Variants in LARGE1 observed in about 807,000 individuals in gnomAD.
LARGE1 encodes LARGE xylosyl- and glucuronyltransferase 1.
Under a neutral mutation model 87.6 loss-of-function variants are expected in LARGE1, and 43 were observed. The ratio of observed to expected loss-of-function variants is 0.49; its 90% confidence interval spans 0.38 to 0.63. LARGE1 has a LOEUF of 0.63. Among genes scored for constraint, LARGE1 ranks in the 30% least tolerant of loss-of-function variants. LARGE1 has a pLI of 0.00. For missense variants in LARGE1, 802 were observed against 1,000.2 expected (o/e 0.80, Z 2.67); for synonymous variants, 434 against 394.6 (o/e 1.10, Z -1.18).
chr22:33,798,481 G>A (rs377251522), intron 1 of LARGE1, among the ~76,000 whole-genome samples: 3 of 152,164 alleles, frequency 2.0e-5, no homozygotes, highest in South Asian at 2.1e-4. Context: ...CTGGGATCCC[G>A]ACGGCTTGAA....
At chr22:33,721,938 A>G (rs913555854) in intron 2 of LARGE1, among the ~76,000 whole-genome samples, 3 of 152,146 alleles carry the variant, frequency 2.0e-5, no homozygotes, top group East Asian at 1.9e-4. Flanking sequence ...CACAGCCACA[A>G]TGGAGATCCT....
chr22:33,127,459 G>A, the LARGE1 span, among the ~76,000 whole-genome samples: 3 of 152,216 alleles, frequency 2.0e-5, no homozygotes, highest in Non-Finnish European at 4.4e-5. Context: ...CCATCCAGGC[G>A]GCATGTCTTG....
At chr22:33,289,895 G>A (rs1389399180) in intron 12 of LARGE1, among the ~76,000 whole-genome samples, 21 of 152,028 alleles carry the variant, frequency 1.4e-4, no homozygotes. Flanking sequence ...TGGGTAGTTC[G>A]TATCCTCTTT....
At chr22:33,694,372 T>G (rs1477239823) in intron 2 of LARGE1, among the ~76,000 whole-genome samples, 1 of 152,220 alleles carries the variant, frequency 6.6e-6, no homozygotes. Flanking sequence ...CAATGGTCCC[T>G]GTCACAGTGT....
intron 2 of LARGE1, among the ~76,000 whole-genome samples, chr22:33,694,496 C>T (rs1260730140): frequency 1.3e-5 from 2 of 152,110 alleles, no homozygotes; most frequent in Admixed American, 6.5e-5. Flanking sequence ...TACTAATGAA[C>T]GTTTGATCAA....
At chr22:33,922,614 G>C (rs1036785652), upstream of LARGE1, 1 of 152,276 alleles carries the variant, frequency 6.6e-6, no homozygotes, top group African/African-American at 2.4e-5. Context: ...GGGTCCTGCT[G>C]TCTTACCTCT....
At chr22:33,242,054 A>G (rs1486881250) in intron 11 of LARGE1, among the ~76,000 whole-genome samples, 1 of 152,226 alleles carries the variant, frequency 6.6e-6, no homozygotes, top group African/African-American at 2.4e-5. Context: ...TATGTTGACT[A>G]GCCTGATTTA....
intron 12 of LARGE1, among the ~76,000 whole-genome samples, chr22:33,298,154 G>A (rs1317378399): frequency 6.6e-6 from 1 of 152,096 alleles, no homozygotes; most frequent in East Asian, 1.9e-4. Flanking sequence ...CCTTCAGTGT[G>A]CACCCACATT....
At chr22:33,255,218 G>A (rs542403941) in intron 11 of LARGE1, among the ~76,000 whole-genome samples, 5 of 152,270 alleles carry the variant, frequency 3.3e-5, no homozygotes, top group African/African-American at 9.6e-5. Context: ...GAATACAGGC[G>A]TGAGCCACCG....
At chr22:33,279,207 C>T (rs1438298029) in intron 13 of LARGE1, among the ~76,000 whole-genome samples, 1 of 152,090 alleles carries the variant, frequency 6.6e-6, no homozygotes, top group Non-Finnish European at 1.5e-5. Context: ...AGCTGGGCAT[C>T]TAGTGAAGGA....
intron 5 of LARGE1, among the ~76,000 whole-genome samples, chr22:33,589,478 AAATT>A (rs10600252): frequency 0.26 from 39,109 of 151,348 alleles, 5,993 homozygotes; most frequent in African/African-American, 0.43. Flanking sequence ...TTATATATGG[AAATT>A]AATTAATTAA....
chr22:33,907,116 G>A (rs866227871), intron 1 of LARGE1, among the ~76,000 whole-genome samples: 17 of 152,080 alleles, frequency 1.1e-4, no homozygotes, highest in African/African-American at 3.4e-4. Flanking sequence ...CCAACACCAC[G>A]TGCCAAGTGC....
At chr22:33,321,128 T>C (rs1936671217) in intron 10 of LARGE1, 1 of 152,260 alleles carries the variant, frequency 6.6e-6, no homozygotes, top group Non-Finnish European at 1.5e-5. Context: ...CAGAAGGTTA[T>C]AGAAGGATTC....
chr22:33,240,812 A>G (rs1320438935), intron 11 of LARGE1, among the ~76,000 whole-genome samples: 1 of 152,136 alleles, frequency 6.6e-6, no homozygotes, highest in Non-Finnish European at 1.5e-5. Flanking sequence ...AACTCAATCT[A>G]GGTTCAGATG....
rs957497184 is a variant in LARGE1 at position 33,651,089 on chromosome 22, GA to G, written c.107-422del. ...CAAGAGGAAGAGAACGAGTAATAAG[GA>G]AAAAATAATAGGCCAGGCGCAGTGG... On this transcript the variant is annotated intron_variant, in intron 2 of 14. Transcript: ENST00000397394. Among the ~76,000 whole-genome samples, 6 of 151,482 alleles carry G rather than the reference GA, an allele frequency of 4.0e-5. No individual in the cohort carries two copies. The South Asian group carries it at 6.3e-4, about 16-fold the overall frequency.
chr22:33,913,650 TCTC>T (rs1290403630), intron 1 of LARGE1, among the ~76,000 whole-genome samples: 1 of 152,072 alleles, frequency 6.6e-6, no homozygotes, highest in African/African-American at 2.4e-5. Context: ...TTCGAGCCAT[TCTC>T]CTACCTCAGC....
At chr22:33,271,367 G>A (rs1438542303), downstream of LARGE1, among the ~76,000 whole-genome samples, 1 of 152,184 alleles carries the variant, frequency 6.6e-6, no homozygotes, top group African/African-American at 2.4e-5. Context: ...TAATTACACA[G>A]AATGCATTCA....
intron 6 of LARGE1, among the ~76,000 whole-genome samples, chr22:33,464,857 ACAC>A (rs1481717699): frequency 2.0e-5 from 3 of 150,026 alleles, no homozygotes; most frequent in Non-Finnish European, 4.4e-5. Flanking sequence ...ACATACACAC[ACAC>A]TACACACACA....
chr22:33,499,448 G>A (rs941094074), intron 6 of LARGE1, among the ~76,000 whole-genome samples: 2 of 152,186 alleles, frequency 1.3e-5, no homozygotes, highest in Non-Finnish European at 2.9e-5. Flanking sequence ...TCATGGTGCA[G>A]CACAGGACTC....
Sources: gnomAD v4.1 joint callset for allele counts (sites outside exome capture counted in the v4.1 genomes callset) on GRCh38, gnomAD v4.1.1 for gene constraint, MANE v1.5 for transcripts, NCBI Gene and HGNC (gene_info 2026-07-23, HGNC 2026-07-21) for gene names.